Variants in BFSP2 observed in about 807,000 individuals in gnomAD.
BFSP2 encodes phakinin.
In BFSP2, 38 loss-of-function variants were observed where a neutral mutation model predicts 44.9. That is an observed-to-expected ratio of 0.85 (90% CI 0.65 to 1.11). The LOEUF is 1.11. Among genes scored for constraint, BFSP2 ranks in the 50% least tolerant of loss-of-function variants. The pLI, the probability that BFSP2 is intolerant of heterozygous loss-of-function variation, is 0.00. For missense variants in BFSP2, 525 were observed against 533.0 expected (o/e 0.99, Z 0.15); for synonymous variants, 197 against 209.9 (o/e 0.94, Z 0.53).
chr3:133,465,669 G>T (rs1195763078), intron 4 of BFSP2, among the ~76,000 whole-genome samples: 1 of 152,174 alleles, frequency 6.6e-6, no homozygotes, highest in African/African-American at 2.4e-5. Context: ...AAGGAAACAG[G>T]CACTATCAGA....
At chr3:133,429,273 T>A (rs1373025053) in intron 1 of BFSP2, 1 of 152,260 alleles carries the variant, frequency 6.6e-6, no homozygotes, top group African/African-American at 2.4e-5. Flanking sequence ...CAGGGAAACA[T>A]AACCATAGAA....
At chr3:133,421,076 A>G (rs2107893962) in intron 1 of BFSP2, among the ~76,000 whole-genome samples, 1 of 152,346 alleles carries the variant, frequency 6.6e-6, no homozygotes, top group African/African-American at 2.4e-5. Flanking sequence ...CATGTAAACT[A>G]GAAAGTATGC....
chr3:133,467,477 C>G (rs1016666718), intron 5 of BFSP2, among the ~76,000 whole-genome samples: 1 of 152,124 alleles, frequency 6.6e-6, no homozygotes, highest in African/African-American at 2.4e-5. Context: ...TCCTCACTCC[C>G]CCTTTTCCTG....
intron 1 of BFSP2, among the ~76,000 whole-genome samples, chr3:133,432,168 T>C (rs2073728910): frequency 6.6e-6 from 1 of 152,200 alleles, no homozygotes; most frequent in Non-Finnish European, 1.5e-5. Context: ...TGCTACAGCA[T>C]GGGCTTCTAA....
chr3:133,402,024 G>A (rs969417079), intron 1 of BFSP2, among the ~76,000 whole-genome samples: 4 of 152,070 alleles, frequency 2.6e-5, no homozygotes, highest in African/African-American at 7.2e-5. Context: ...AACAGTCCAG[G>A]GCCTTAACGC....
At chr3:133,472,811 A>G (rs2107946073) in intron 6 of BFSP2, among the ~76,000 whole-genome samples, 1 of 152,248 alleles carries the variant, frequency 6.6e-6, no homozygotes, top group Non-Finnish European at 1.5e-5. Flanking sequence ...ATATATACAC[A>G]CATACATTCA....
chr3:133,411,684 G>C (rs1244430382), intron 1 of BFSP2, among the ~76,000 whole-genome samples: 2 of 149,464 alleles, frequency 1.3e-5, no homozygotes, highest in African/African-American at 2.5e-5. Context: ...GAAGCCAATA[G>C]AGGGAAGGGT....
chr3:133,472,463 C>CGGA lies in BFSP2; in HGVS notation c.1144_1146dup (p.Glu382dup), dbSNP rs1484628897. 1.9e-6 allele frequency: 3 copies of CGGA among 1,614,006 alleles called. No homozygotes were observed. Among genetic ancestry groups the CGGA allele is most frequent in the Non-Finnish European group, 2.5e-6 (3 of 1,180,030 alleles). ...GAGCTCAGGGAAATCCGAGCGGAGG[C>CGGA]GGAGCAGCAGCAACAGGAGCGCGCG... is the stretch of plus-strand genomic sequence containing the variant. On this transcript the variant is annotated inframe_insertion, in exon 6 of 7. Transcript: ENST00000302334.
At chr3:133,457,534 C>G (rs958000304) in intron 4 of BFSP2, among the ~76,000 whole-genome samples, 1 of 152,050 alleles carries the variant, frequency 6.6e-6, no homozygotes, top group African/African-American at 2.4e-5. Flanking sequence ...AACATTTTAC[C>G]CATATACAAA....
intron 1 of BFSP2, among the ~76,000 whole-genome samples, chr3:133,426,024 G>GGGAAAGAAAGGGAAGGAAAGGGAAGGA (rs751521090): frequency 0.66 from 18,861 of 28,518 alleles, 7,227 homozygotes; most frequent in Middle Eastern, 0.8. Context: ...GAAGGGAAGG[G>GGGAAAGAAAGGGAAGGAAAGGGAAGGA]AAGGGAAGGG....
chr3:133,409,286 T>C (rs553934795), intron 1 of BFSP2, among the ~76,000 whole-genome samples: 76 of 151,926 alleles, frequency 5.0e-4, no homozygotes, highest in African/African-American at 1.8e-3. Context: ...AGAGTAACTA[T>C]ATTTGTGTTA....
intron 5 of BFSP2, among the ~76,000 whole-genome samples, chr3:133,472,131 T>TC (rs1415977134): frequency 1.3e-5 from 2 of 151,880 alleles, no homozygotes; most frequent in Admixed American, 6.6e-5. Context: ...AAAAGATCAA[T>TC]CAGACTAATC....
chr3:133,426,265 C>T (rs919305833), intron 1 of BFSP2, among the ~76,000 whole-genome samples: 6 of 151,956 alleles, frequency 3.9e-5, no homozygotes, highest in East Asian at 2.0e-4. Context: ...CCCTCACCCT[C>T]GCAGGCTGCC....
intron 1 of BFSP2, among the ~76,000 whole-genome samples, chr3:133,438,580 A>T (rs188121106): frequency 6.6e-6 from 1 of 152,296 alleles, no homozygotes; most frequent in African/African-American, 2.4e-5. Flanking sequence ...AAGTGCTGAC[A>T]GCAGGGTGCG....
rs1559987848 is a variant in BFSP2 at position 133,475,084 on chromosome 3, A to G, written c.*112A>G. Reference sequence around the variant, plus strand: ...CCAGTCCCTGCTGGATTCCCTGGTTAATTCAGCTTGAGCTGAAAAGCTTCC... The same window carrying G: ...CCAGTCCCTGCTGGATTCCCTGGTTGATTCAGCTTGAGCTGAAAAGCTTCC... On this transcript the variant is annotated 3_prime_UTR_variant, in exon 7 of 7. Transcript: ENST00000302334. 6.7e-7 allele frequency: 1 copy of G among 1,481,714 alleles called. No homozygotes were observed. The highest frequency in any genetic ancestry group is 1.4e-5 in the African/African-American group (1 of 72,000). The allele number at this position is 1,481,714 out of a possible 1,614,324, so 91.8% of individuals were successfully genotyped here. A position where few individuals can be genotyped will look rare whatever the true frequency, so the allele number is the denominator to read the frequency against.
At chr3:133,428,469 A>C (rs1230386833) in intron 1 of BFSP2, among the ~76,000 whole-genome samples, 1 of 100,634 alleles carries the variant, frequency 9.9e-6, no homozygotes, top group Non-Finnish European at 2.1e-5. Context: ...GTGGGGACAC[A>C]AAAAAATAGT....
chr3:133,417,344 AC>A (rs1447765311), intron 1 of BFSP2, among the ~76,000 whole-genome samples: 8 of 20,246 alleles, frequency 4.0e-4, no homozygotes, highest in Non-Finnish European at 6.8e-4. Flanking sequence ...CCCTCCACTC[AC>A]CCCGTTCTCT....
chr3:133,438,856 T>TG (rs1001415611), intron 1 of BFSP2, among the ~76,000 whole-genome samples: 5 of 151,974 alleles, frequency 3.3e-5, no homozygotes, highest in Admixed American at 6.6e-5. Flanking sequence ...AGTGGAGGGA[T>TG]GGGGGGGTCA....
rs774912497 is a variant in BFSP2 at position 133,400,309 on chromosome 3, C to T, written c.226C>T (p.Arg76Trp). Residue 76 changes from arginine to tryptophan, a missense_variant, in exon 1 of 7, where the codon CGG becomes TGG. Coordinates refer to ENST00000302334, the MANE Select transcript of BFSP2 (RefSeq NM_003571.4). This position sits in a 1 kb window ranked among gnomAD's most constrained non-coding sequence, Gnocchi z 4.0. ...TGGCTTGGGTGCCCGTGTGACCCGCCGGGCCCTCGGCATCAGCAGTGTCTT... is the reference window on the plus strand; with the variant it reads ...TGGCTTGGGTGCCCGTGTGACCCGCTGGGCCCTCGGCATCAGCAGTGTCTT... ...IGGLGARVTRRALGISSVFLQ... is the reference protein window; with the variant it reads ...IGGLGARVTRWALGISSVFLQ... The T allele has an allele frequency of 5.0e-6, 8 of 1,613,874 alleles. No individual in the cohort carries two copies. Among genetic ancestry groups the T allele is most frequent in the Admixed American group, 1.7e-5 (1 of 60,010 alleles).
Sources: allele counts gnomAD v4.1 joint callset (sites outside exome capture counted in the v4.1 genomes callset), GRCh38; gene constraint gnomAD v4.1.1; non-coding constraint Gnocchi (gnomAD v3.1); transcripts MANE v1.5; gene names NCBI Gene and HGNC (gene_info 2026-07-23, HGNC 2026-07-21).